Variants in LRRC4C observed in about 807,000 individuals in gnomAD.
LRRC4C encodes the protein leucine-rich repeat-containing protein 4C.
In LRRC4C, 5 loss-of-function variants were observed where a neutral mutation model predicts 33.6. That is an observed-to-expected ratio of 0.15 (90% confidence interval 0.08 to 0.31). The LOEUF is 0.31. Among genes scored for constraint, LRRC4C ranks in the 10% least tolerant of loss-of-function variants. The pLI is 1.00. For synonymous variants in LRRC4C, 329 were observed against 302.0 expected (o/e 1.09, Z -0.93); for missense variants, 560 against 796.7 (o/e 0.70, Z 3.58).
At chr11:40,678,296 C>A (rs61886819) in intron 2 of LRRC4C, among the ~76,000 whole-genome samples, 19,061 of 152,036 alleles carry the variant, frequency 0.13, 1,481 homozygotes, top group Middle Eastern at 0.21. Context: ...GCCCCTCCTC[C>A]TTCTCCCCCA....
intron 2 of LRRC4C, among the ~76,000 whole-genome samples, chr11:40,837,656 A>G (rs1952729638): frequency 7.1e-6 from 1 of 141,122 alleles, no homozygotes; most frequent in South Asian, 2.4e-4. Flanking sequence ...CCTGGGAAAC[A>G]TATGGAGACC....
At chr11:40,707,887 G>A (rs1192114288) in intron 2 of LRRC4C, among the ~76,000 whole-genome samples, 1 of 152,094 alleles carries the variant, frequency 6.6e-6, no homozygotes, top group Non-Finnish European at 1.5e-5. Context: ...CTCAATTTCA[G>A]AGCCTGTTAT....
intron 4 of LRRC4C, among the ~76,000 whole-genome samples, chr11:40,298,077 A>G (rs2136642650): frequency 6.6e-6 from 1 of 152,332 alleles, no homozygotes; most frequent in South Asian, 2.1e-4. Context: ...TAGGAAATGG[A>G]AAGACCTACA....
At chr11:40,252,802 C>T (rs1366498078) in intron 4 of LRRC4C, among the ~76,000 whole-genome samples, 1 of 152,122 alleles carries the variant, frequency 6.6e-6, no homozygotes, top group Non-Finnish European at 1.5e-5. Context: ...ATATATATGG[C>T]ATATTTTATG....
chr11:41,328,021 T>C (rs1951175713), intron 1 of LRRC4C, among the ~76,000 whole-genome samples: 1 of 152,164 alleles, frequency 6.6e-6, no homozygotes, highest in African/African-American at 2.4e-5. Flanking sequence ...GCTTCACCCT[T>C]TGTAGGCACC....
chr11:40,904,837 A>G (rs1433736637), intron 2 of LRRC4C, among the ~76,000 whole-genome samples: 2 of 152,130 alleles, frequency 1.3e-5, no homozygotes, highest in Admixed American at 1.3e-4. Flanking sequence ...AGCAGATGGG[A>G]GTGCGGAACA....
At chr11:40,423,340 T>C (rs2861896) in intron 3 of LRRC4C, among the ~76,000 whole-genome samples, 1 of 47,302 alleles carries the variant, frequency 2.1e-5, no homozygotes, top group Non-Finnish European at 5.1e-5. Flanking sequence ...GTTCATGTTC[T>C]TTTTTTTTTT....
intron 1 of LRRC4C, among the ~76,000 whole-genome samples, chr11:41,453,766 T>C (rs1365979048): frequency 6.6e-6 from 1 of 152,116 alleles, no homozygotes; most frequent in Non-Finnish European, 1.5e-5. Context: ...CTCTATGAGA[T>C]AATTGATTAT....
At chr11:41,095,462 T>C (rs1256455261) in intron 1 of LRRC4C, among the ~76,000 whole-genome samples, 1 of 152,164 alleles carries the variant, frequency 6.6e-6, no homozygotes, top group Admixed American at 6.5e-5. Flanking sequence ...AGAAAAAACA[T>C]GTAAGTCTCT....
chr11:40,511,489 A>C (rs752617473), intron 3 of LRRC4C, among the ~76,000 whole-genome samples: 2 of 152,214 alleles, frequency 1.3e-5, no homozygotes, highest in Non-Finnish European at 2.9e-5. Context: ...AAATGCTTCC[A>C]GTTTGCACTA....
chr11:40,685,317 T>C (rs1249099524), intron 2 of LRRC4C, among the ~76,000 whole-genome samples: 1 of 152,046 alleles, frequency 6.6e-6, no homozygotes, highest in Non-Finnish European at 1.5e-5. Flanking sequence ...ATGAGATCCA[T>C]TAGCAGTCTT....
intron 3 of LRRC4C, among the ~76,000 whole-genome samples, chr11:40,327,058 A>G (rs1946137022): frequency 6.6e-6 from 1 of 152,374 alleles, no homozygotes; most frequent in South Asian, 2.1e-4. Context: ...GAAAAGATTC[A>G]AGGTTAGGAC....
chr11:40,235,677 C>T (rs1170631936), intron 5 of LRRC4C, among the ~76,000 whole-genome samples: 1 of 152,158 alleles, frequency 6.6e-6, no homozygotes, highest in South Asian at 2.1e-4. Context: ...TTTTATTCTT[C>T]CCTCCATACA....
chr11:40,566,858 A>T (rs1957787116), intron 3 of LRRC4C, among the ~76,000 whole-genome samples: 1 of 152,182 alleles, frequency 6.6e-6, no homozygotes, highest in Admixed American at 6.5e-5. Flanking sequence ...AGAAATCAAA[A>T]TAAAAGCATA....
At chr11:40,651,397 T>C (rs1225257668) in intron 2 of LRRC4C, among the ~76,000 whole-genome samples, 3 of 152,032 alleles carry the variant, frequency 2.0e-5, no homozygotes, top group African/African-American at 7.2e-5. Context: ...AAAAAAGTCC[T>C]GAATTACATG....
At chr11:40,383,058 CT>C (rs1193119424) in intron 3 of LRRC4C, among the ~76,000 whole-genome samples, 1 of 152,068 alleles carries the variant, frequency 6.6e-6, no homozygotes, top group East Asian at 1.9e-4. Context: ...AGGTACCGTT[CT>C]TTTCTCTGCT....
chr11:40,470,536 T>C (rs1044708690), intron 3 of LRRC4C, among the ~76,000 whole-genome samples: 6 of 152,100 alleles, frequency 3.9e-5, no homozygotes, highest in Non-Finnish European at 5.9e-5. Flanking sequence ...GAGAATGAGA[T>C]TGACGAATTG....
At chr11:40,787,886 A>AT (rs2137344341) in intron 2 of LRRC4C, among the ~76,000 whole-genome samples, 2 of 152,312 alleles carry the variant, frequency 1.3e-5, no homozygotes, top group African/African-American at 4.8e-5. Context: ...AACAGGGAAA[A>AT]TGAAAGCCAC....
chr11:40,959,502 A>G (rs977314511), intron 1 of LRRC4C, among the ~76,000 whole-genome samples: 2 of 151,702 alleles, frequency 1.3e-5, no homozygotes, highest in African/African-American at 4.8e-5. Flanking sequence ...TTAATGCCAA[A>G]ATGTTAACAT....
Sources: gnomAD v4.1 joint callset for allele counts (sites outside exome capture counted in the v4.1 genomes callset) on GRCh38, gnomAD v4.1.1 for gene constraint, MANE v1.5 for transcripts, NCBI Gene and HGNC (gene_info 2026-07-23, HGNC 2026-07-21) for gene names.